Variants in COL26A1 observed in about 807,000 individuals in gnomAD.
COL26A1 encodes the protein collagen alpha-1(XXVI) chain.
A neutral mutation model predicts 59.3 loss-of-function variants in COL26A1; 41 were observed. That is an observed-to-expected ratio of 0.69 (90% CI 0.54 to 0.90). The LOEUF (loss-of-function observed/expected upper bound fraction) is 0.90, where lower values mean the gene tolerates loss of function less well. Among genes scored for constraint, COL26A1 ranks in the 40% least tolerant of loss-of-function variants. The pLI is 0.00. For synonymous variants in COL26A1, 266 were observed against 256.0 expected (o/e 1.04, Z -0.37); for missense variants, 612 against 602.3 (o/e 1.02, Z -0.17).
chr7:101,557,554 T>G lies in COL26A1; in HGVS notation c.*24T>G. 1.9e-6 allele frequency: 3 copies of G among 1,584,448 alleles called. No individual in the cohort carries two copies. Among genetic ancestry groups the G allele is most frequent in the Non-Finnish European group, 2.6e-6 (3 of 1,161,464 alleles). ...GAGAGCCCACTGCTCCAGGACACCC[T>G]GTCCTGGCTAGAGACCCAGCCCCAG... On this transcript the variant is annotated 3_prime_UTR_variant, in exon 13 of 13. Transcript: ENST00000313669.
At chr7:101,374,079 T>G (rs1791253510) in intron 1 of COL26A1, among the ~76,000 whole-genome samples, 1 of 152,170 alleles carries the variant, frequency 6.6e-6, no homozygotes, top group African/African-American at 2.4e-5. Context: ...GCTCCGGGAA[T>G]TCTGCAGACA....
At position 101,363,110 on chromosome 7, in the gene COL26A1, C is replaced by T. The variant is rs1191412762; in HGVS notation, c.78C>T (p.Pro26=). 3 of 1,551,732 alleles carry T rather than the reference C, an allele frequency of 1.9e-6. No homozygotes were observed. Among genetic ancestry groups the T allele is most frequent in the South Asian group, 1.2e-5 (1 of 85,000 alleles). The part of the protein sequence containing the change: ...GSALATGFLY[P]FSAAALQQHG... ...CGCTGGCCACCGGCTTCCTCTATCCCTTCTCGGCCGCAGCTCTGCAGCAGC... is the reference window on the plus strand; with the variant it reads ...CGCTGGCCACCGGCTTCCTCTATCCTTTCTCGGCCGCAGCTCTGCAGCAGC... The change falls in exon 1 of 13, where the codon CCC becomes CCT. Residue 26 remains proline (P), a synonymous_variant. Coordinates refer to ENST00000313669, the MANE Select transcript of COL26A1 (RefSeq NM_001278563.3).
intron 3 of COL26A1, among the ~76,000 whole-genome samples, chr7:101,498,691 G>C (rs1176107099): frequency 6.6e-6 from 1 of 152,198 alleles, no homozygotes; most frequent in African/African-American, 2.4e-5. Context: ...TTTTCATTTG[G>C]AGAAGGTCTT....
chr7:101,527,854 G>T (rs899443132), intron 3 of COL26A1, among the ~76,000 whole-genome samples: 1 of 152,118 alleles, frequency 6.6e-6, no homozygotes, highest in Non-Finnish European at 1.5e-5. Context: ...TGGAAAGTTA[G>T]CGACCACATC....
At chr7:101,524,237 C>G (rs1795194732) in intron 3 of COL26A1, among the ~76,000 whole-genome samples, 2 of 151,354 alleles carry the variant, frequency 1.3e-5, no homozygotes, top group South Asian at 4.2e-4. Flanking sequence ...CATCACTGCA[C>G]TCCAGCCTGG....
chr7:101,461,312 T>TC (rs1793605434), intron 3 of COL26A1, among the ~76,000 whole-genome samples: 10 of 150,854 alleles, frequency 6.6e-5, no homozygotes, highest in Admixed American at 6.6e-4. Context: ...CTCCTTCTTT[T>TC]TTTTTGACGG....
chr7:101,490,641 C>G lies in COL26A1; in HGVS notation c.386-42441C>G, dbSNP rs185961188. On this transcript the variant is annotated intron_variant, in intron 3 of 12. Transcript: ENST00000313669. ...ACTCGAACCCAGGAGGTGGAGATAA[C>G]AGTGAGCGGAGATTGCACCATTGCA... is the stretch of plus-strand genomic sequence containing the variant. Among the ~76,000 whole-genome samples, 179 of 151,760 alleles carry G rather than the reference C, an allele frequency of 1.2e-3. 1 individual carries two copies. The highest frequency in any genetic ancestry group is 5.9e-4 in the East Asian group (3 of 5,054).
At chr7:101,464,505 G>A (rs987422863) in intron 3 of COL26A1, among the ~76,000 whole-genome samples, 4 of 151,778 alleles carry the variant, frequency 2.6e-5, no homozygotes, top group South Asian at 4.2e-4. Flanking sequence ...TCTGCCTCCC[G>A]GGTTCAAACG....
intron 3 of COL26A1, among the ~76,000 whole-genome samples, chr7:101,477,345 T>C (rs543362840): frequency 1.3e-4 from 20 of 152,266 alleles, no homozygotes; most frequent in Admixed American, 6.5e-4. Context: ...TGTTTGTGTG[T>C]GTGCATTAGC....
chr7:101,396,607 T>G (rs763648523), intron 1 of COL26A1, among the ~76,000 whole-genome samples: 1 of 152,034 alleles, frequency 6.6e-6, no homozygotes, highest in Non-Finnish European at 1.5e-5. Flanking sequence ...GGACTACAGG[T>G]GCCCGCCATC....
chr7:101,445,898 A>G lies in COL26A1; in HGVS notation c.282-1786A>G, dbSNP rs923458771. 6.0e-5 allele frequency among the ~76,000 whole-genome samples: 9 copies of G among 150,596 alleles called. No individual in the cohort carries two copies. In the East Asian group the frequency reaches 1.8e-3, roughly 30 times the overall value. On this transcript the variant is annotated intron_variant, in intron 2 of 12. Transcript: ENST00000313669. ...CCCTGTCTCTACTAAAAGTACAAAAATTAGCTGAGAGTGGTGGCATGTGCC... is the reference window on the plus strand; with the variant it reads ...CCCTGTCTCTACTAAAAGTACAAAAGTTAGCTGAGAGTGGTGGCATGTGCC...
chr7:101,453,061 A>T (rs920744698), intron 3 of COL26A1, among the ~76,000 whole-genome samples: 1 of 152,156 alleles, frequency 6.6e-6, no homozygotes, highest in Non-Finnish European at 1.5e-5. Flanking sequence ...TAAAATACAG[A>T]ATTATAATTT....
chr7:101,401,789 A>G (rs1792014105), intron 1 of COL26A1, among the ~76,000 whole-genome samples: 1 of 149,482 alleles, frequency 6.7e-6, no homozygotes, highest in South Asian at 2.1e-4. Context: ...AGGAGGAGGA[A>G]GACCCTGGAG....
intron 1 of COL26A1, among the ~76,000 whole-genome samples, chr7:101,388,082 C>T (rs2117047033): frequency 6.8e-6 from 1 of 147,696 alleles, no homozygotes; most frequent in South Asian, 2.3e-4. Flanking sequence ...CCATCTTAAA[C>T]CATTTCCCAG....
intron 3 of COL26A1, among the ~76,000 whole-genome samples, chr7:101,453,793 G>A (rs1421882106): frequency 6.6e-6 from 1 of 152,082 alleles, no homozygotes; most frequent in African/African-American, 2.4e-5. Flanking sequence ...CTAAATCAAG[G>A]CCATGCCCAT....
chr7:101,498,757 G>A (rs2130551654), intron 3 of COL26A1, among the ~76,000 whole-genome samples: 1 of 152,316 alleles, frequency 6.6e-6, no homozygotes, highest in African/African-American at 2.4e-5. Flanking sequence ...AGGCTTTGGT[G>A]AAATTCAACA....
At chr7:101,369,126 G>T (rs73173752) in intron 1 of COL26A1, among the ~76,000 whole-genome samples, 6,489 of 152,080 alleles carry the variant, frequency 0.043, 164 homozygotes, top group East Asian at 0.085. Context: ...AGCAAAGATG[G>T]GGGGGCATGA....
In COL26A1 at chr7:101,530,566, T is replaced by TAAAAAAAAA. The variant is rs558473831; in HGVS notation, c.386-2499_386-2491dup. Among the ~76,000 whole-genome samples, 2 of 90,248 alleles carry TAAAAAAAAA rather than the reference T, an allele frequency of 2.2e-5. 1 individual carries two copies. The allele number at this position is 90,248 out of a possible 152,430, so 59.2% of individuals were successfully genotyped here. ...GGTGACAAGAGTGAGACTCTGTCTT[T>TAAAAAAAAA]AAAAAAAAAAAAAAAAAAAAAAAAA... On this transcript the variant is annotated intron_variant, in intron 3 of 12. Coordinates refer to ENST00000313669, the MANE Select transcript of COL26A1 (RefSeq NM_001278563.3).
chr7:101,383,036 T>C (rs1399247032), intron 1 of COL26A1, among the ~76,000 whole-genome samples: 2 of 150,744 alleles, frequency 1.3e-5, no homozygotes, highest in Admixed American at 6.6e-5. Context: ...AGCAAGATCC[T>C]GTCTCAAAAA....
Sources: allele counts gnomAD v4.1 joint callset (sites outside exome capture counted in the v4.1 genomes callset), GRCh38; gene constraint gnomAD v4.1.1; transcripts MANE v1.5; gene names NCBI Gene and HGNC (gene_info 2026-07-23, HGNC 2026-07-21).